NR1H4: variants seen among roughly 807,000 people sequenced by gnomAD.
NR1H4 encodes the protein nuclear receptor subfamily 1 group H member 4, also known as bile acid receptor.
NR1H4 carries 23 observed loss-of-function variants against 58.5 expected under a neutral mutation model. The observed-to-expected ratio is 0.39, with a 90% CI of 0.28 to 0.56. NR1H4 has a LOEUF of 0.56. NR1H4 is among the 20% of genes least tolerant of loss of function. NR1H4 has a pLI of 0.58. For synonymous variants in NR1H4, 214 were observed against 198.0 expected (o/e 1.08, Z -0.68); for missense variants, 487 against 576.9 (o/e 0.84, Z 1.60).
At chr12:100,559,402 G>C (rs1253503520) in intron 9 of NR1H4, among the ~76,000 whole-genome samples, 1 of 152,218 alleles carries the variant, frequency 6.6e-6, no homozygotes, top group Non-Finnish European at 1.5e-5. Flanking sequence ...AGCGGGAACC[G>C]GGGCTGCGTG....
chr12:100,477,663 C>T (rs1336649054), intron 1 of NR1H4, among the ~76,000 whole-genome samples: 1 of 152,184 alleles, frequency 6.6e-6, no homozygotes, highest in African/African-American at 2.4e-5. Flanking sequence ...AAAACAAAAA[C>T]ACTGCTCTGG....
intron 1 of NR1H4, among the ~76,000 whole-genome samples, chr12:100,475,257 T>C (rs745405074): frequency 6.6e-6 from 1 of 152,282 alleles, no homozygotes; most frequent in Middle Eastern, 3.4e-3. Flanking sequence ...TATAAAATGA[T>C]AGACACTTTT....
At chr12:100,540,337 A>T (rs1010351336) in intron 8 of NR1H4, among the ~76,000 whole-genome samples, 13 of 152,172 alleles carry the variant, frequency 8.5e-5, no homozygotes, top group African/African-American at 3.1e-4. Context: ...TGCAGAGTTG[A>T]CCCTGTCACA....
intron 8 of NR1H4, among the ~76,000 whole-genome samples, chr12:100,537,685 C>T (rs574189813): frequency 6.6e-6 from 1 of 152,238 alleles, no homozygotes; most frequent in East Asian, 1.9e-4. Context: ...AGCAGCATTC[C>T]AAGTTGAGAG....
Position 100,483,953 on chromosome 12 carries a change from C to T in NR1H4, c.-189-8550C>T, listed in dbSNP as rs576653702. ...GAACTGAGGTCGTGCCACTGCACTCCGACCTGGGCAACAGAGCAAGACTCT... is the reference window on the plus strand; with the variant it reads ...GAACTGAGGTCGTGCCACTGCACTCTGACCTGGGCAACAGAGCAAGACTCT... On this transcript the variant is annotated intron_variant, in intron 1 of 10. Transcript: ENST00000392986. Among the ~76,000 whole-genome samples the T allele has an allele frequency of 9.8e-4, 144 of 146,800 alleles. 1 individual carries two copies. Among genetic ancestry groups the T allele is most frequent in the South Asian group, 7.4e-3 (34 of 4,612 alleles).
At chr12:100,556,463 G>C (rs1301905077) in intron 9 of NR1H4, among the ~76,000 whole-genome samples, 1 of 133,692 alleles carries the variant, frequency 7.5e-6, no homozygotes, top group Non-Finnish European at 1.6e-5. Context: ...GTGAAACTCC[G>C]TCTCAAAGAA....
intron 1 of NR1H4, among the ~76,000 whole-genome samples, chr12:100,490,341 G>A (rs553289520): frequency 2.7e-4 from 41 of 152,232 alleles, no homozygotes; most frequent in Admixed American, 4.6e-4. Context: ...CATGGCTCAA[G>A]GTTAAAAAAG....
intron 8 of NR1H4, among the ~76,000 whole-genome samples, chr12:100,540,380 A>G (rs1954907077): frequency 6.6e-6 from 1 of 152,202 alleles, no homozygotes; most frequent in African/African-American, 2.4e-5. Context: ...CTCAAAGAAA[A>G]TCTACCTGTG....
chr12:100,487,627 AC>A (rs1158536655), intron 1 of NR1H4, among the ~76,000 whole-genome samples: 9 of 118,462 alleles, frequency 7.6e-5, no homozygotes, highest in African/African-American at 2.9e-4. Context: ...GACGAGTCTC[AC>A]TCTGTTGCCC....
chr12:100,504,168 T>C lies in NR1H4; in HGVS notation c.80-6610T>C, dbSNP rs1169176016. 2.0e-4 allele frequency among the ~76,000 whole-genome samples: 31 copies of C among 152,216 alleles called. 1 individual carries two copies. Among genetic ancestry groups the C allele is most frequent in the Admixed American group, 2.0e-3 (31 of 15,282 alleles). On this transcript the variant is annotated intron_variant, in intron 3 of 10. Transcript: ENST00000392986. ...ATCAGATAAGCACAGAGTTGAGCTTTAGGCCCAGGCTCTTGGTTTTCTCTG... is the reference window on the plus strand; with the variant it reads ...ATCAGATAAGCACAGAGTTGAGCTTCAGGCCCAGGCTCTTGGTTTTCTCTG...
chr12:100,492,486 T>G lies in NR1H4; in HGVS notation c.-189-17T>G, dbSNP rs1025875156. 3.9e-5 allele frequency: 6 copies of G among 152,186 alleles called. No individual in the cohort carries two copies. Among genetic ancestry groups the G allele is most frequent in the African/African-American group, 1.2e-4 (5 of 41,440 alleles). 9.4% of individuals were successfully genotyped at this position (152,186 alleles called of 1,614,324 possible). A position where few individuals can be genotyped will look rare whatever the true frequency, so the allele number is the denominator to read the frequency against. On this transcript the variant is annotated splice_polypyrimidine_tract_variant and intron_variant, in intron 1 of 10. Coordinates refer to ENST00000392986, the MANE Select transcript of NR1H4 (RefSeq NM_001206979.2). ...TTATCACTTTTCATTATTTAACCTTTCAAATTACTTCTTTAGGGAGGTAGA... is the reference window on the plus strand; with the variant it reads ...TTATCACTTTTCATTATTTAACCTTGCAAATTACTTCTTTAGGGAGGTAGA...
In NR1H4 at chr12:100,541,831, G is replaced by C. The variant is rs576138178; in HGVS notation, c.1078+1013G>C. Among the ~76,000 whole-genome samples the C allele has an allele frequency of 5.9e-5, 9 of 151,490 alleles. No homozygotes were observed. In the South Asian group the frequency reaches 1.9e-3, roughly 32 times the overall value. On this transcript the variant is annotated intron_variant, in intron 9 of 10. Coordinates refer to ENST00000392986, the MANE Select transcript of NR1H4 (RefSeq NM_001206979.2). ...AGGCTGGTCTTGGACTCCTGGCCTC[G>C]AGTGATCCACCTACCTCGGCCTCCC...
At position 100,544,048 on chromosome 12, in the gene NR1H4, C is replaced by T. The variant is rs375292707; in HGVS notation, c.1078+3230C>T. Among the ~76,000 whole-genome samples, 17 of 152,038 alleles carry T rather than the reference C, an allele frequency of 1.1e-4. No individual in the cohort carries two copies. In the East Asian group the frequency reaches 1.5e-3, roughly 14 times the overall value. ...CGGGTGGATTACAAGGTCAGGAGAT[C>T]GAGACCATCCTGGCTAACATGGTGA... On this transcript the variant is annotated intron_variant, in intron 9 of 10. Coordinates refer to ENST00000392986, the MANE Select transcript of NR1H4 (RefSeq NM_001206979.2).
chr12:100,536,434 C>T (rs1437929088), intron 6 of NR1H4, 78 bp from the exon 7 acceptor site: 2 of 797,990 alleles, frequency 2.5e-6, no homozygotes, highest in East Asian at 2.4e-5. Flanking sequence ...CTATTAGGTC[C>T]CTCCAGATGA....
chr12:100,524,620 T>TA (rs1954509658), intron 4 of NR1H4, among the ~76,000 whole-genome samples: 1 of 152,146 alleles, frequency 6.6e-6, no homozygotes, highest in Admixed American at 6.5e-5. Context: ...CATCACTTAA[T>TA]AAGCATTTTG....
chr12:100,492,908 T>G (rs1192875929), intron 2 of NR1H4, among the ~76,000 whole-genome samples: 1 of 152,078 alleles, frequency 6.6e-6, no homozygotes, highest in Non-Finnish European at 1.5e-5. Flanking sequence ...AAATCATGGA[T>G]TCATCTCATT....
At chr12:100,528,893 A>G in intron 4 of NR1H4, among the ~76,000 whole-genome samples, 1 of 152,166 alleles carries the variant, frequency 6.6e-6, no homozygotes. Flanking sequence ...TATCTATGAC[A>G]GTTTTAAAGG....
chr12:100,482,045 C>T lies in NR1H4; in HGVS notation c.-190+7986C>T, dbSNP rs141207815. 8.6e-3 allele frequency among the ~76,000 whole-genome samples: 1,302 copies of T among 152,188 alleles called. 25 individuals are homozygous for T. The highest frequency in any genetic ancestry group is 0.03 in the African/African-American group (1,230 of 41,524). On this transcript the variant is annotated intron_variant, in intron 1 of 10. Transcript: ENST00000392986. Reference sequence around the variant, plus strand: ...TGAGCCTGGGAGGTCAAGACTGCAGCGAGCTAAGATCGCACCACTGCATTC... The same window carrying T: ...TGAGCCTGGGAGGTCAAGACTGCAGTGAGCTAAGATCGCACCACTGCATTC...
At chr12:100,486,961 A>G (rs1297441702) in intron 1 of NR1H4, among the ~76,000 whole-genome samples, 6 of 152,252 alleles carry the variant, frequency 3.9e-5, no homozygotes, top group Non-Finnish European at 5.9e-5. Flanking sequence ...GAATGCTAAT[A>G]CATTCAACGT....
Sources: allele counts gnomAD v4.1 joint callset (sites outside exome capture counted in the v4.1 genomes callset), GRCh38; gene constraint gnomAD v4.1.1; transcripts MANE v1.5; gene names NCBI Gene and HGNC (gene_info 2026-07-23, HGNC 2026-07-21).